Variants in CLEC16A observed in about 807,000 individuals in gnomAD.
CLEC16A encodes protein CLEC16A.
Under a neutral mutation model 109.5 loss-of-function variants are expected in CLEC16A, and 51 were observed. The ratio of observed to expected loss-of-function variants is 0.47; its 90% CI spans 0.37 to 0.59. CLEC16A has a LOEUF of 0.59. CLEC16A is among the 20% of genes least tolerant of loss of function. The pLI is 0.00. For synonymous variants in CLEC16A, 673 were observed against 564.2 expected, an observed-to-expected ratio of 1.19 and a Z score of -2.73; for missense variants, 1,339 against 1,394.0, an observed-to-expected ratio of 0.96 and a Z score of 0.63.
chr16:11,117,107 A>C (rs932127196), intron 19 of CLEC16A, among the ~76,000 whole-genome samples: 1 of 152,262 alleles, frequency 6.6e-6, no homozygotes, highest in African/African-American at 2.4e-5. Flanking sequence ...GTTCTTACTT[A>C]TAAGTGGGAG....
chr16:11,013,336 A>G (rs185110412), intron 11 of CLEC16A, among the ~76,000 whole-genome samples: 171 of 152,326 alleles, frequency 1.1e-3, no homozygotes, highest in African/African-American at 4.0e-3. Context: ...TTTAAAATAA[A>G]TTTGGATTCA....
chr16:11,134,770 G>A (rs2053460858), intron 22 of CLEC16A, among the ~76,000 whole-genome samples: 1 of 152,196 alleles, frequency 6.6e-6, no homozygotes, highest in Non-Finnish European at 1.5e-5. Flanking sequence ...CAATGACTGA[G>A]CTACTTCGCA....
At chr16:11,055,259 G>T (rs1161936464) in intron 18 of CLEC16A, among the ~76,000 whole-genome samples, 1 of 152,244 alleles carries the variant, frequency 6.6e-6, no homozygotes, top group Non-Finnish European at 1.5e-5. Flanking sequence ...CTGGAGGAAA[G>T]AAACAGCATG....
At chr16:11,152,418 G>C (rs554408987) in intron 22 of CLEC16A, among the ~76,000 whole-genome samples, 1 of 152,336 alleles carries the variant, frequency 6.6e-6, no homozygotes, top group African/African-American at 2.4e-5. Flanking sequence ...GTTTTCTGGA[G>C]AGATTTGGGG....
Position 10,954,517 on chromosome 16 carries a change from A to G in CLEC16A, c.81-3265A>G, listed in dbSNP as rs1035088. 0.17 allele frequency among the ~76,000 whole-genome samples: 25,998 copies of G among 152,164 alleles called. 2,730 individuals carry two copies. The highest frequency in any genetic ancestry group is 0.23 in the Middle Eastern group (68 of 294). On this transcript the variant is annotated intron_variant, in intron 1 of 23. Coordinates refer to ENST00000409790, the MANE Select transcript of CLEC16A (RefSeq NM_015226.3). The surrounding 1 kb of genome is among the most constrained non-coding windows in gnomAD (Gnocchi z 4.2). ...CAAGTTAGTTATCTGTTATCTCCCA[A>G]CACCACCAAAATAGGTAGATACTAA...
At chr16:11,044,889 G>A (rs1177803054) in intron 16 of CLEC16A, among the ~76,000 whole-genome samples, 1 of 144,342 alleles carries the variant, frequency 6.9e-6, no homozygotes, top group Non-Finnish European at 1.5e-5. Context: ...TAGCGCCATT[G>A]CCCTCCATCC....
chr16:10,993,295 C>G (rs539119260), intron 10 of CLEC16A, among the ~76,000 whole-genome samples: 9 of 152,256 alleles, frequency 5.9e-5, no homozygotes, highest in African/African-American at 1.9e-4. Context: ...GGGACCATCT[C>G]TTGAGCCTGG....
chr16:10,976,917 G>A (rs2043058473), intron 7 of CLEC16A, among the ~76,000 whole-genome samples: 1 of 152,232 alleles, frequency 6.6e-6, no homozygotes, highest in African/African-American at 2.4e-5. Context: ...TGCTTATCTG[G>A]GGAGCCAGGG....
chr16:10,949,884 T>A (rs1359627873), intron 1 of CLEC16A, among the ~76,000 whole-genome samples: 2 of 152,112 alleles, frequency 1.3e-5, no homozygotes, highest in African/African-American at 4.8e-5. Flanking sequence ...CTCACACACA[T>A]ACCTCGCCTG....
At position 11,042,193 on chromosome 16, in the gene CLEC16A, G is replaced by T; in HGVS notation, c.1661-61G>T. 4 of 1,299,584 alleles carry T rather than the reference G, an allele frequency of 3.1e-6. No homozygotes were observed. The East Asian group carries it at 7.7e-5, about 25-fold the overall frequency. 80.5% of individuals were successfully genotyped at this position (1,299,584 alleles called of 1,614,324 possible). ...CTAGCCTCAACGTGGATAGGCAGCA[G>T]TCTTGGGTTTAAGGGCGCCCCACCC... On this transcript the variant is annotated intron_variant, in intron 14 of 23. Coordinates refer to ENST00000409790, the MANE Select transcript of CLEC16A (RefSeq NM_015226.3).
At chr16:11,052,796 C>T (rs1330402257) in intron 18 of CLEC16A, among the ~76,000 whole-genome samples, 1 of 152,170 alleles carries the variant, frequency 6.6e-6, no homozygotes, top group Non-Finnish European at 1.5e-5. Context: ...CAAGAAGGCC[C>T]CACCTGGGAG....
chr16:11,062,417 A>C (rs1393176235), intron 19 of CLEC16A, among the ~76,000 whole-genome samples: 3 of 152,234 alleles, frequency 2.0e-5, no homozygotes, highest in African/African-American at 7.2e-5. Context: ...CCTTGAACAA[A>C]TGACAGGACC....
At chr16:11,153,443 G>A (rs894761617) in intron 22 of CLEC16A, among the ~76,000 whole-genome samples, 2 of 151,782 alleles carry the variant, frequency 1.3e-5, no homozygotes, top group Non-Finnish European at 2.9e-5. Context: ...TCCCAGATTT[G>A]CTTCTTTGAA....
chr16:11,136,420 C>G (rs2053565266), intron 22 of CLEC16A: 1 of 152,180 alleles, frequency 6.6e-6, no homozygotes, highest in African/African-American at 2.4e-5. Context: ...CAATGCCTGA[C>G]CCATATAAAA....
intron 4 of CLEC16A, among the ~76,000 whole-genome samples, chr16:10,970,657 G>C (rs929632382): frequency 1.3e-5 from 2 of 152,140 alleles, no homozygotes; most frequent in Non-Finnish European, 2.9e-5. Flanking sequence ...CCCCTCCTTG[G>C]CCTCCCAAAG....
chr16:11,115,914 A>T (rs935633615), intron 19 of CLEC16A, among the ~76,000 whole-genome samples: 56 of 151,578 alleles, frequency 3.7e-4, no homozygotes, highest in Non-Finnish European at 6.8e-4. Context: ...ACAAGGTCTC[A>T]CTATGTTGCC....
intron 20 of CLEC16A, among the ~76,000 whole-genome samples, chr16:11,123,043 A>C (rs1178758506): frequency 6.6e-6 from 1 of 151,656 alleles, no homozygotes; most frequent in African/African-American, 2.4e-5. Context: ...AGCTGGAACT[A>C]CAAGCGCACG....
chr16:11,056,039 G>A lies in CLEC16A; in HGVS notation c.1995+4398G>A, dbSNP rs150090747. On this transcript the variant is annotated intron_variant, in intron 18 of 23. Transcript: ENST00000409790. ...ACCAAAACAGCAAGGGGTCCACTGA[G>A]CCATGCCAGCTGAGAAGGGAAATTC... Among the ~76,000 whole-genome samples the A allele has an allele frequency of 1.4e-3, 220 of 152,318 alleles. 1 individual carries two copies. The highest frequency in any genetic ancestry group is 0.013 in the Admixed American group (204 of 15,300).
chr16:11,085,234 C>G (rs1818213154), intron 19 of CLEC16A, among the ~76,000 whole-genome samples: 1 of 152,244 alleles, frequency 6.6e-6, no homozygotes, highest in South Asian at 2.1e-4. Flanking sequence ...GGGCTTTCAG[C>G]CTGGCTGTCA....
Sources: gnomAD v4.1 joint callset for allele counts (sites outside exome capture counted in the v4.1 genomes callset) on GRCh38, gnomAD v4.1.1 for gene constraint, Gnocchi (gnomAD v3.1) non-coding constraint, MANE v1.5 for transcripts, NCBI Gene and HGNC (gene_info 2026-07-23, HGNC 2026-07-21) for gene names.